Variants in CNTN5 observed in about 807,000 individuals in gnomAD.
CNTN5 encodes the protein contactin 5.
Under a neutral mutation model 129.1 loss-of-function variants are expected in CNTN5, and 77 were observed. The observed-to-expected ratio is 0.60, with a 90% CI of 0.50 to 0.72. CNTN5 has a LOEUF of 0.72. Ranked by LOEUF, CNTN5 falls within the 30% of genes least tolerant of loss-of-function variation. The pLI, the probability that CNTN5 is intolerant of heterozygous loss-of-function variation, is 0.00. For synonymous variants in CNTN5, 509 were observed against 465.6 expected, an observed-to-expected ratio of 1.09 and a Z score of -1.20; for missense variants, 1,478 against 1,328.8, an observed-to-expected ratio of 1.11 and a Z score of -1.75.
intron 1 of CNTN5, among the ~76,000 whole-genome samples, chr11:99,120,691 G>A (rs1413072443): frequency 6.6e-6 from 1 of 152,016 alleles, no homozygotes; most frequent in African/African-American, 2.4e-5. Flanking sequence ...TAATCTGAAG[G>A]TCACACAAGG....
At position 99,961,235 on chromosome 11, in the gene CNTN5, A is replaced by G. The variant is rs535450947; in HGVS notation, c.877+4226A>G. On this transcript the variant is annotated intron_variant, in intron 8 of 24. Coordinates refer to ENST00000524871, the MANE Select transcript of CNTN5 (RefSeq NM_014361.4). ...AAAAAAAAAAAAAAAACAGTAGAAT[A>G]TAGTGTCAAGGAAGCCAAGGGGAAA... Among the ~76,000 whole-genome samples the G allele has an allele frequency of 7.0e-4, 106 of 150,724 alleles. 2 individuals carry two copies. In the East Asian group the frequency reaches 0.015, roughly 21 times the overall value.
At chr11:99,059,509 G>A (rs560089164) in intron 1 of CNTN5, among the ~76,000 whole-genome samples, 61 of 152,064 alleles carry the variant, frequency 4.0e-4, no homozygotes, top group Non-Finnish European at 7.9e-4. Context: ...TCATTTATGG[G>A]TCTGAATGAA....
chr11:99,558,267 A>T (rs746523294), intron 3 of CNTN5: 2 of 428,898 alleles, frequency 4.7e-6, no homozygotes, highest in South Asian at 3.3e-5. Context: ...TCTCAATGTC[A>T]TTTTCCTCTT....
At chr11:99,908,113 G>C (rs1436988205) in intron 6 of CNTN5, among the ~76,000 whole-genome samples, 1 of 152,000 alleles carries the variant, frequency 6.6e-6, no homozygotes, top group African/African-American at 2.4e-5. Context: ...GGCTATACAA[G>C]TGTTTTTGTT....
chr11:100,160,783 T>C (rs1209204429), intron 13 of CNTN5, among the ~76,000 whole-genome samples: 1 of 151,920 alleles, frequency 6.6e-6, no homozygotes, highest in Non-Finnish European at 1.5e-5. Context: ...TAATATTCAT[T>C]ACTTCATTCA....
chr11:99,381,749 G>A (rs1940574196), intron 2 of CNTN5, among the ~76,000 whole-genome samples: 1 of 152,086 alleles, frequency 6.6e-6, no homozygotes, highest in Non-Finnish European at 1.5e-5. Flanking sequence ...CAATTTTAAT[G>A]GTTTTCTTAG....
At chr11:99,331,517 G>A (rs904269516) in intron 2 of CNTN5, among the ~76,000 whole-genome samples, 35 of 152,036 alleles carry the variant, frequency 2.3e-4, no homozygotes, top group African/African-American at 8.0e-4. Context: ...GGTGACTATA[G>A]TGGAAAATAA....
intron 4 of CNTN5, among the ~76,000 whole-genome samples, chr11:99,843,130 A>G (rs1370342693): frequency 6.6e-6 from 1 of 152,202 alleles, no homozygotes; most frequent in Non-Finnish European, 1.5e-5. Context: ...TGGCTGTGGC[A>G]GGATAATTGC....
intron 8 of CNTN5, among the ~76,000 whole-genome samples, chr11:99,973,031 A>AT (rs1937682885): frequency 6.6e-6 from 1 of 151,982 alleles, no homozygotes; most frequent in African/African-American, 2.4e-5. Context: ...TCTCACTTTT[A>AT]TACTAGATAG....
chr11:100,269,255 C>T (rs191003500), intron 17 of CNTN5, among the ~76,000 whole-genome samples: 109 of 152,210 alleles, frequency 7.2e-4, no homozygotes, highest in African/African-American at 1.9e-3. Context: ...AGACCATTCA[C>T]TGGTAATCTT....
At chr11:99,475,272 C>G (rs773601630) in intron 2 of CNTN5, among the ~76,000 whole-genome samples, 22 of 152,320 alleles carry the variant, frequency 1.4e-4, no homozygotes. Flanking sequence ...GCTTGCCTGC[C>G]ATCTGCCCTG....
At chr11:99,392,374 A>G (rs1398447828) in intron 2 of CNTN5, among the ~76,000 whole-genome samples, 1 of 151,794 alleles carries the variant, frequency 6.6e-6, no homozygotes, top group Non-Finnish European at 1.5e-5. Flanking sequence ...ATTTAGGTTG[A>G]TAAAAGTGCC....
chr11:99,546,258 C>A (rs1343933907), intron 2 of CNTN5, among the ~76,000 whole-genome samples: 1 of 152,078 alleles, frequency 6.6e-6, no homozygotes, highest in African/African-American at 2.4e-5. Flanking sequence ...TGCAAGGTGG[C>A]CATTCTGATG....
chr11:99,049,290 A>G (rs572546663), intron 1 of CNTN5, among the ~76,000 whole-genome samples: 9 of 152,322 alleles, frequency 5.9e-5, no homozygotes, highest in South Asian at 4.1e-4. Flanking sequence ...CTTCATTTGC[A>G]TATTTACCTG....
chr11:100,117,252 TG>T (rs1453329134), intron 13 of CNTN5, among the ~76,000 whole-genome samples: 1 of 151,946 alleles, frequency 6.6e-6, no homozygotes, highest in Admixed American at 6.6e-5. Flanking sequence ...ACCTGGGTTC[TG>T]GTATTTCTTA....
chr11:99,740,475 G>T (rs80223125), intron 3 of CNTN5, among the ~76,000 whole-genome samples: 7,907 of 152,236 alleles, frequency 0.052, 314 homozygotes, highest in East Asian at 0.18. Context: ...TAAGAAAGCA[G>T]GAATGGAATT....
At chr11:99,814,737 G>A (rs747776753) in intron 3 of CNTN5, among the ~76,000 whole-genome samples, 14 of 152,128 alleles carry the variant, frequency 9.2e-5, no homozygotes, top group Non-Finnish European at 1.6e-4. Flanking sequence ...TAGATTGTAG[G>A]TCTTGAAGTA....
intron 2 of CNTN5, among the ~76,000 whole-genome samples, chr11:99,447,121 T>A (rs1385102273): frequency 1.3e-5 from 2 of 152,220 alleles, no homozygotes; most frequent in East Asian, 3.8e-4. Context: ...ACTGACAGAC[T>A]GATTAGCCTT....
chr11:99,856,232 C>T (rs75989948), intron 6 of CNTN5, among the ~76,000 whole-genome samples: 5,791 of 152,186 alleles, frequency 0.038, 185 homozygotes, highest in East Asian at 0.15. Context: ...TGGAATTTCT[C>T]CCGGTAAATT....
Sources: allele counts gnomAD v4.1 joint callset (sites outside exome capture counted in the v4.1 genomes callset), GRCh38; gene constraint gnomAD v4.1.1; transcripts MANE v1.5; gene names NCBI Gene and HGNC (gene_info 2026-07-23, HGNC 2026-07-21).